CNTN5: variants seen among roughly 807,000 people sequenced by gnomAD.
CNTN5 encodes contactin 5.
Under a neutral mutation model 129.1 loss-of-function variants are expected in CNTN5, and 77 were observed. The observed-to-expected ratio is 0.60, with a 90% CI of 0.50 to 0.72. The LOEUF is 0.72. Among genes scored for constraint, CNTN5 ranks in the 30% least tolerant of loss-of-function variants. The pLI, the probability that CNTN5 is intolerant of heterozygous loss-of-function variation, is 0.00. For missense variants in CNTN5, 1,478 were observed against 1,328.8 expected, an observed-to-expected ratio of 1.11 and a Z score of -1.75; for synonymous variants, 509 against 465.6, an observed-to-expected ratio of 1.09 and a Z score of -1.20.
At chr11:99,548,858 A>G (rs1284007315) in intron 2 of CNTN5, among the ~76,000 whole-genome samples, 1 of 152,114 alleles carries the variant, frequency 6.6e-6, no homozygotes, top group Non-Finnish European at 1.5e-5. Flanking sequence ...CTGGTCTTTA[A>G]GAATCTTAAA....
rs1952053617 is a variant in CNTN5 at position 100,337,091 on chromosome 11, T to C, written c.2731-3372T>C. The C allele has an allele frequency of 1.1e-5, 15 of 1,350,326 alleles. No individual in the cohort carries two copies. In the South Asian group the frequency reaches 1.8e-4, roughly 16 times the overall value. 83.6% of individuals were successfully genotyped at this position (1,350,326 alleles called of 1,614,324 possible). On this transcript the variant is annotated intron_variant, in intron 21 of 24. Coordinates refer to ENST00000524871, the MANE Select transcript of CNTN5 (RefSeq NM_014361.4). ...TCACAAATCACTCTTGTAGGGATCA[T>C]CAGACATGCAGAGAAGACTTCAACC...
chr11:100,095,625 G>A (rs545573647), intron 13 of CNTN5, among the ~76,000 whole-genome samples: 1 of 152,196 alleles, frequency 6.6e-6, no homozygotes, highest in African/African-American at 2.4e-5. Context: ...ATATCCTAGA[G>A]CAAGATGTTG....
intron 1 of CNTN5, among the ~76,000 whole-genome samples, chr11:99,111,275 C>T (rs1401952560): frequency 6.6e-6 from 1 of 151,760 alleles, no homozygotes; most frequent in Non-Finnish European, 1.5e-5. Context: ...AGCTCTTTGT[C>T]TATAAGTGGT....
At chr11:99,688,146 A>G (rs895217405) in intron 3 of CNTN5, among the ~76,000 whole-genome samples, 1 of 152,202 alleles carries the variant, frequency 6.6e-6, no homozygotes, top group African/African-American at 2.4e-5. Flanking sequence ...AACGCAGATG[A>G]GTTAAAGGAA....
intron 2 of CNTN5, among the ~76,000 whole-genome samples, chr11:99,342,892 A>T (rs1220369626): frequency 1.3e-5 from 2 of 152,190 alleles, no homozygotes; most frequent in East Asian, 3.8e-4. Flanking sequence ...TAGTAATATT[A>T]CTGAGTCTGT....
At chr11:99,587,756 C>T (rs1949846305) in intron 3 of CNTN5, among the ~76,000 whole-genome samples, 1 of 27,468 alleles carries the variant, frequency 3.6e-5, no homozygotes, top group African/African-American at 8.9e-5. Context: ...GCAGAGTTCT[C>T]TCTTAAACAA....
intron 1 of CNTN5, among the ~76,000 whole-genome samples, chr11:99,110,268 T>G (rs370844450): frequency 6.6e-6 from 1 of 152,108 alleles, no homozygotes; most frequent in South Asian, 2.1e-4. Flanking sequence ...TGCATGATAA[T>G]TCTGCAGAAT....
At chr11:99,192,348 ATTGT>A (rs1361433634) in intron 1 of CNTN5, among the ~76,000 whole-genome samples, 1 of 151,908 alleles carries the variant, frequency 6.6e-6, no homozygotes, top group Non-Finnish European at 1.5e-5. Context: ...TAATATTCAG[ATTGT>A]TTAACTATAA....
At chr11:99,382,824 C>A (rs1177601180) in intron 2 of CNTN5, among the ~76,000 whole-genome samples, 1 of 130,890 alleles carries the variant, frequency 7.6e-6, no homozygotes, top group African/African-American at 3.0e-5. Flanking sequence ...CAAAGCACAT[C>A]TCACTAGTGT....
At position 99,509,720 on chromosome 11, in the gene CNTN5, T is replaced by TA. The variant is rs1300711739; in HGVS notation, c.-70-46419dup. ...ATACACAAAAATGAATAAATAAAAA[T>TA]AAAAAATATTTTACTGAGAAAAAAA... On this transcript the variant is annotated intron_variant, in intron 2 of 24. Transcript: ENST00000524871. Among the ~76,000 whole-genome samples, 3 of 152,064 alleles carry TA rather than the reference T, an allele frequency of 2.0e-5. No homozygotes were observed. The East Asian group carries it at 5.8e-4, about 29-fold the overall frequency.
intron 2 of CNTN5, among the ~76,000 whole-genome samples, chr11:99,462,213 C>G (rs934012055): frequency 6.6e-6 from 1 of 151,992 alleles, no homozygotes; most frequent in Non-Finnish European, 1.5e-5. Flanking sequence ...TTAAAATACC[C>G]TAGACACATT....
At chr11:99,657,208 C>A (rs17134141) in intron 3 of CNTN5, among the ~76,000 whole-genome samples, 34,216 of 152,036 alleles carry the variant, frequency 0.23, 4,214 homozygotes, top group Admixed American at 0.35. Context: ...CTACTTAGCA[C>A]CTTACTGGAG....
At chr11:99,046,528 A>T (rs1020418560) in intron 1 of CNTN5, among the ~76,000 whole-genome samples, 17 of 152,158 alleles carry the variant, frequency 1.1e-4, no homozygotes, top group African/African-American at 3.9e-4. Flanking sequence ...AAACTCCTTT[A>T]TGATACATTG....
intron 2 of CNTN5, among the ~76,000 whole-genome samples, chr11:99,336,730 A>T (rs534612735): frequency 6.4e-4 from 98 of 152,142 alleles, no homozygotes; most frequent in Middle Eastern, 6.8e-3. Context: ...ATCCCAGCTG[A>T]GGCAGGAGAA....
At chr11:99,094,487 G>A (rs1275504478) in intron 1 of CNTN5, among the ~76,000 whole-genome samples, 1 of 151,964 alleles carries the variant, frequency 6.6e-6, no homozygotes, top group East Asian at 1.9e-4. Flanking sequence ...CCATTTTTAG[G>A]TAGAAACAAA....
chr11:99,990,593 A>G (rs1939020411), intron 8 of CNTN5, among the ~76,000 whole-genome samples: 1 of 152,078 alleles, frequency 6.6e-6, no homozygotes, highest in Admixed American at 6.6e-5. Context: ...TGTTGGTAAC[A>G]TAAGCCATTT....
intron 2 of CNTN5, among the ~76,000 whole-genome samples, chr11:99,362,787 C>T (rs1939200998): frequency 6.6e-6 from 1 of 151,948 alleles, no homozygotes; most frequent in Non-Finnish European, 1.5e-5. Flanking sequence ...ACTGTCCTTT[C>T]TCTGAATGGT....
intron 2 of CNTN5, among the ~76,000 whole-genome samples, chr11:99,480,757 T>C (rs1325244195): frequency 6.6e-6 from 1 of 152,148 alleles, no homozygotes; most frequent in East Asian, 1.9e-4. Context: ...CTAGTGTCTA[T>C]CCAACTCACA....
chr11:99,228,460 T>TA lies in CNTN5; in HGVS notation c.-209-96881dup, dbSNP rs200492453. Among the ~76,000 whole-genome samples, 104 of 152,172 alleles carry TA rather than the reference T, an allele frequency of 6.8e-4. No individual in the cohort carries two copies. The East Asian group carries it at 7.1e-3, about 10-fold the overall frequency. ...GGTTAATAGCAATGTATTGTATATT[T>TA]AAAAATAGCTGGAAGCAAGGACTTG... On this transcript the variant is annotated intron_variant, in intron 1 of 24. Transcript: ENST00000524871.
Sources: allele counts gnomAD v4.1 joint callset (sites outside exome capture counted in the v4.1 genomes callset), GRCh38; gene constraint gnomAD v4.1.1; transcripts MANE v1.5; gene names NCBI Gene and HGNC (gene_info 2026-07-23, HGNC 2026-07-21).